The following IDO2 variants were observed in gnomAD, a reference collection of about 807,000 sequenced individuals.
IDO2 encodes indoleamine 2,3-dioxygenase 2, also known as indoleamine 2,3-dioxygenase-like 1 protein.
IDO2 carries 46 observed loss-of-function variants against 45.1 expected under a neutral mutation model. The observed-to-expected ratio is 1.02, with a 90% CI of 0.80 to 1.30. The LOEUF (loss-of-function observed/expected upper bound fraction) is 1.30. IDO2 is among the 50% of genes most tolerant of loss of function. The pLI is 0.00. For synonymous variants in IDO2, 218 were observed against 184.9 expected, an observed-to-expected ratio of 1.18 and a Z score of -1.45; for missense variants, 544 against 491.8, an observed-to-expected ratio of 1.11 and a Z score of -1.00.
intron 1 of IDO2, among the ~76,000 whole-genome samples, chr8:39,943,519 C>T (rs1485018840): frequency 6.6e-6 from 1 of 151,928 alleles, no homozygotes; most frequent in East Asian, 1.9e-4. Context: ...GGGCAGATCG[C>T]GAGGTCAGGA....
intron 3 of IDO2, 115 bp from the exon 4 acceptor site, chr8:39,978,952 T>C: frequency 1.1e-6 from 1 of 929,690 alleles, no homozygotes; most frequent in East Asian, 2.7e-5. Flanking sequence ...CATTAAAATA[T>C]AACCCATTGC....
intron 6 of IDO2, chr8:39,986,477 T>TCTTGG (rs1247753076): frequency 6.6e-6 from 1 of 151,816 alleles, no homozygotes; most frequent in East Asian, 2.0e-4. Flanking sequence ...CTTGACTTTG[T>TCTTGG]CTTGGTTTGG....
intron 9 of IDO2, among the ~76,000 whole-genome samples, chr8:40,007,343 C>T (rs1174891025): frequency 2.0e-5 from 3 of 151,956 alleles, no homozygotes; most frequent in Non-Finnish European, 2.9e-5. Flanking sequence ...ACGTGTGAAG[C>T]ACTTCAAACA....
chr8:39,954,087 T>A (rs925748041), intron 2 of IDO2, among the ~76,000 whole-genome samples: 11 of 152,248 alleles, frequency 7.2e-5, no homozygotes, highest in African/African-American at 2.7e-4. Flanking sequence ...AGTGAAAATT[T>A]ATTCACTGGT....
intron 8 of IDO2, among the ~76,000 whole-genome samples, chr8:39,994,798 T>C (rs922925476): frequency 2.7e-4 from 41 of 152,086 alleles, no homozygotes; most frequent in African/African-American, 9.4e-4. Flanking sequence ...CAATTTTTAA[T>C]ATTAACCATT....
intron 2 of IDO2, among the ~76,000 whole-genome samples, chr8:39,959,394 G>A (rs1041234056): frequency 2.2e-5 from 2 of 91,452 alleles, no homozygotes; most frequent in Non-Finnish European, 5.1e-5. Flanking sequence ...GATTACAGGC[G>A]TGAGCCACTG....
At chr8:39,938,290 C>CTATCTATATCTA (rs10677987) in intron 1 of IDO2, among the ~76,000 whole-genome samples, 10 of 151,786 alleles carry the variant, frequency 6.6e-5, no homozygotes, top group African/African-American at 1.5e-4. Context: ...AAAAAATTCT[C>CTATCTATATCTA]TATCTATATC....
intron 5 of IDO2, 60 bp downstream of exon 5, chr8:39,982,830 T>C: frequency 9.5e-7 from 1 of 1,054,016 alleles, no homozygotes; most frequent in Non-Finnish European, 1.4e-6. Context: ...ACACCCAGGC[T>C]TTTTTTTATA....
At chr8:39,939,392 C>CA (rs796254094) in intron 1 of IDO2, among the ~76,000 whole-genome samples, 88 of 151,242 alleles carry the variant, frequency 5.8e-4, no homozygotes, top group African/African-American at 1.9e-3. Flanking sequence ...ACTAAAACCA[C>CA]AAAAATTAGC....
chr8:39,968,952 A>G (rs535911565), intron 3 of IDO2, among the ~76,000 whole-genome samples: 68 of 152,230 alleles, frequency 4.5e-4, no homozygotes, highest in African/African-American at 1.6e-3. Flanking sequence ...AACTTCGATG[A>G]AGAGAGTGGG....
chr8:39,985,528 T>G lies in IDO2; in HGVS notation c.449+6T>G. 1 of 1,563,502 alleles carries G rather than the reference T, an allele frequency of 6.4e-7. No homozygotes were observed. Among genetic ancestry groups the G allele is most frequent in the Non-Finnish European group, 8.7e-7 (1 of 1,152,496 alleles). On this transcript the variant is annotated splice_donor_region_variant and intron_variant, in intron 6 of 10. Transcript: ENST00000502986. Reference sequence around the variant, plus strand: ...GCTAGATTCCTGGAAATTGGGTAAGTTCTCAGAAATCATTTACGCACTTTA... The same window carrying G: ...GCTAGATTCCTGGAAATTGGGTAAGGTCTCAGAAATCATTTACGCACTTTA...
chr8:39,984,537 A>G (rs546033478), intron 5 of IDO2, among the ~76,000 whole-genome samples: 37 of 152,340 alleles, frequency 2.4e-4, no homozygotes, highest in Non-Finnish European at 4.6e-4. Flanking sequence ...CTAGGGAGTA[A>G]GAGTGAAGGG....
In IDO2 at chr8:39,991,565, CTTT is replaced by C. The variant is rs61354300; in HGVS notation, c.667+1746_667+1748del. On this transcript the variant is annotated intron_variant, in intron 8 of 10. Coordinates refer to ENST00000502986, the Ensembl canonical transcript of IDO2. ...CTAGGGCTCACTTTCAGACTCACTTCTTTTTTTTTTTTTTTTTTTTTGTGAGAT... is the reference window on the plus strand; with the variant it reads ...CTAGGGCTCACTTTCAGACTCACTTCTTTTTTTTTTTTTTTTTTGTGAGAT... Among the ~76,000 whole-genome samples, 232 of 103,318 alleles carry C rather than the reference CTTT, an allele frequency of 2.2e-3. 1 individual carries two copies. Among genetic ancestry groups the C allele is most frequent in the Non-Finnish European group, 3.9e-3 (202 of 52,184 alleles). 67.8% of individuals were successfully genotyped at this position (103,318 alleles called of 152,430 possible).
intron 6 of IDO2, chr8:39,985,743 G>A (rs902128020): frequency 1.5e-5 from 8 of 522,152 alleles, no homozygotes; most frequent in African/African-American, 1.2e-4. Flanking sequence ...TTTTTTTACT[G>A]TATTTTCCAG....
chr8:39,965,974 T>TA (rs1308760039), intron 3 of IDO2, among the ~76,000 whole-genome samples: 1 of 151,976 alleles, frequency 6.6e-6, no homozygotes, highest in Non-Finnish European at 1.5e-5. Context: ...TTTGTGGTCA[T>TA]TAGTTATGGC....
At chr8:39,943,106 G>A (rs1807672041) in intron 1 of IDO2, among the ~76,000 whole-genome samples, 1 of 152,146 alleles carries the variant, frequency 6.6e-6, no homozygotes, top group Non-Finnish European at 1.5e-5. Context: ...AGTGGCTCAC[G>A]CCTGTAATCC....
intron 1 of IDO2, among the ~76,000 whole-genome samples, chr8:39,943,549 A>G (rs1807681020): frequency 6.6e-6 from 1 of 151,962 alleles, no homozygotes; most frequent in South Asian, 2.1e-4. Flanking sequence ...CATCCTGGCT[A>G]ACACAGTGAA....
chr8:40,000,171 T>C (rs1802111577), intron 8 of IDO2, among the ~76,000 whole-genome samples: 1 of 152,176 alleles, frequency 6.6e-6, no homozygotes, highest in African/African-American at 2.4e-5. Flanking sequence ...CCCAGCACTC[T>C]GGGAGGCTGA....
At chr8:39,966,224 TC>T (rs1808082848) in intron 3 of IDO2, among the ~76,000 whole-genome samples, 1 of 151,996 alleles carries the variant, frequency 6.6e-6, no homozygotes, top group African/African-American at 2.4e-5. Flanking sequence ...AGACGGGGTT[TC>T]ACCATATTGG....
Sources: allele counts gnomAD v4.1 joint callset (sites outside exome capture counted in the v4.1 genomes callset), GRCh38; gene constraint gnomAD v4.1.1; transcripts MANE v1.5; gene names NCBI Gene and HGNC (gene_info 2026-07-23, HGNC 2026-07-21).